The following ASPSCR1 variants were observed in gnomAD, a reference collection of about 807,000 sequenced individuals.
ASPSCR1 encodes the protein ASPSCR1 tether for SLC2A4, UBX domain containing, also known as tether containing UBX domain for GLUT4.
In ASPSCR1, 55 loss-of-function variants were observed where a neutral mutation model predicts 68.9. The observed-to-expected ratio is 0.80, with a 90% CI of 0.64 to 1.00. The LOEUF (loss-of-function observed/expected upper bound fraction) is 1.00, where lower values mean the gene tolerates loss of function less well. ASPSCR1 is among the 50% of genes least tolerant of loss of function. The pLI is 0.00. For missense variants in ASPSCR1, 765 were observed against 762.2 expected, an observed-to-expected ratio of 1.00 and a Z score of -0.04; for synonymous variants, 352 against 332.6, an observed-to-expected ratio of 1.06 and a Z score of -0.63.
At chr17:81,995,918 C>G in intron 5 of ASPSCR1, 74 bp from the exon 6 acceptor site, 1 of 1,464,862 alleles carries the variant, frequency 6.8e-7, no homozygotes, top group African/African-American at 1.4e-5. Flanking sequence ...CTGGTGGTGC[C>G]GGTGCCCGGA....
At chr17:81,978,858 G>T (rs1312462970) in intron 1 of ASPSCR1, 2 of 405,416 alleles carry the variant, frequency 4.9e-6, no homozygotes, top group Non-Finnish European at 9.1e-6. Context: ...CAAGTTTAAG[G>T]CAGGTTGCAG....
chr17:81,982,354 C>T (rs780941381), intron 2 of ASPSCR1, among the ~76,000 whole-genome samples: 7 of 152,256 alleles, frequency 4.6e-5, no homozygotes, highest in Non-Finnish European at 1.0e-4. Context: ...GAGGCAGGTC[C>T]TGCAATACCA....
chr17:81,983,790 C>G lies in ASPSCR1; in HGVS notation c.273+122C>G. 1.3e-6 allele frequency: 1 copy of G among 787,712 alleles called. No homozygotes were observed. The highest frequency in any genetic ancestry group is 2.0e-6 in the Non-Finnish European group (1 of 488,876). 48.8% of individuals were successfully genotyped at this position (787,712 alleles called of 1,614,324 possible). A position where few individuals can be genotyped will look rare whatever the true frequency, so the allele number is the denominator to read the frequency against. ...AGGGACATGAGTCTTAGCACCAGTT[C>G]TGCCTTCCCTGGGTTGGGCCCAAAC... On this transcript the variant is annotated intron_variant, in intron 3 of 15. Coordinates refer to ENST00000306739, the MANE Select transcript of ASPSCR1 (RefSeq NM_024083.4). The surrounding 1 kb of genome is among the most constrained non-coding windows in gnomAD (Gnocchi z 4.4).
intron 4 of ASPSCR1, among the ~76,000 whole-genome samples, chr17:81,993,070 CAAAA>C (rs1368437412): frequency 6.6e-6 from 1 of 152,152 alleles, no homozygotes; most frequent in Non-Finnish European, 1.5e-5. Flanking sequence ...GGCCACGAAA[CAAAA>C]GAAAACACGT....
At chr17:81,978,377 T>G (rs938735671) in intron 1 of ASPSCR1, 3 of 151,764 alleles carry the variant, frequency 2.0e-5, no homozygotes, top group Non-Finnish European at 4.4e-5. Context: ...ACAAAAAAAT[T>G]TAGCCGGGCG....
chr17:81,979,474 C>T (rs754867448), intron 2 of ASPSCR1, among the ~76,000 whole-genome samples: 61 of 152,306 alleles, frequency 4.0e-4, no homozygotes, highest in Middle Eastern at 3.4e-3. Context: ...GGCTTGTGGC[C>T]GCATTGCTCT....
At chr17:81,985,988 C>T (rs545650274) in intron 4 of ASPSCR1, among the ~76,000 whole-genome samples, 9 of 152,154 alleles carry the variant, frequency 5.9e-5, no homozygotes, top group East Asian at 3.9e-4. Context: ...TTTTAAGAGG[C>T]AGGGTCTCAC....
In ASPSCR1 at chr17:81,990,959, G is replaced by A. The variant is rs1403524348; in HGVS notation, c.375-3862G>A. On this transcript the variant is annotated intron_variant, in intron 4 of 15. Coordinates refer to ENST00000306739, the MANE Select transcript of ASPSCR1 (RefSeq NM_024083.4). The surrounding 1 kb of genome is among the most constrained non-coding windows in gnomAD (Gnocchi z 4.1). ...GTAGTTTGAATCCCACGTCCCGTAA[G>A]GACCTAGTTGCCAAGTGGTGAAAGG... 1.3e-5 allele frequency among the ~76,000 whole-genome samples: 2 copies of A among 152,144 alleles called. No homozygotes were observed. The highest frequency in any genetic ancestry group is 3.9e-4 in the East Asian group (2 of 5,188).
In ASPSCR1 at chr17:81,998,145, A is replaced by C. The variant is rs560371296; in HGVS notation, c.933+1299A>C. Among the ~76,000 whole-genome samples, 12 of 151,920 alleles carry C rather than the reference A, an allele frequency of 7.9e-5. No individual in the cohort carries two copies. The South Asian group carries it at 2.1e-3, about 26-fold the overall frequency. On this transcript the variant is annotated intron_variant, in intron 7 of 15. Transcript: ENST00000306739. ...CCCAGCCTAATTTATTTTTATTTTT[A>C]TTTTTCATAAAGACGAGGTCTCTCT...
rs532790060 is a variant in ASPSCR1 at position 81,987,076 on chromosome 17, G to A, written c.374+1469G>A. Among the ~76,000 whole-genome samples the A allele has an allele frequency of 2.3e-4, 34 of 145,988 alleles. No homozygotes were observed. Among genetic ancestry groups the A allele is most frequent in the Admixed American group, 1.2e-3 (17 of 14,780 alleles). On this transcript the variant is annotated intron_variant, in intron 4 of 15. Coordinates refer to ENST00000306739, the MANE Select transcript of ASPSCR1 (RefSeq NM_024083.4). This position sits in a 1 kb window ranked among gnomAD's most constrained non-coding sequence, Gnocchi z 5.6. ...AGCGGGACCCGAGGCAGGAGATGACGGAGCCTAAGAGCAAAGCGAAGCCAC... is the reference window on the plus strand; with the variant it reads ...AGCGGGACCCGAGGCAGGAGATGACAGAGCCTAAGAGCAAAGCGAAGCCAC...
chr17:81,979,633 C>T (rs2041729887), intron 2 of ASPSCR1, among the ~76,000 whole-genome samples: 1 of 152,180 alleles, frequency 6.6e-6, no homozygotes, highest in South Asian at 2.1e-4. Context: ...TTCAGAGGTC[C>T]TGGGGGTGAG....
intron 2 of ASPSCR1, among the ~76,000 whole-genome samples, chr17:81,980,689 CAG>C (rs1164595448): frequency 2.0e-5 from 3 of 152,194 alleles, no homozygotes; most frequent in Admixed American, 6.5e-5. Flanking sequence ...AAGAATAAGA[CAG>C]GGATTTACAC....
At chr17:81,998,249 T>C (rs2042420615) in intron 7 of ASPSCR1, among the ~76,000 whole-genome samples, 1 of 152,228 alleles carries the variant, frequency 6.6e-6, no homozygotes, top group South Asian at 2.1e-4. Context: ...GGGATTACAA[T>C]TGTGAGCCAC....
At chr17:82,015,295 G>T (rs551941100) in intron 12 of ASPSCR1, 2 of 1,598,016 alleles carry the variant, frequency 1.3e-6, no homozygotes, top group East Asian at 2.2e-5. Context: ...CCATCCCCTC[G>T]TCCGAGCAGT....
intron 15 of ASPSCR1, 73 bp downstream of exon 15, chr17:82,017,186 C>T (rs2043168234): frequency 1.3e-6 from 2 of 1,574,536 alleles, no homozygotes; most frequent in South Asian, 2.2e-5. Context: ...GTGGCAGGGT[C>T]AGTGGGCTGG....
intron 11 of ASPSCR1, 172 bp from the exon 12 acceptor site, chr17:82,012,059 G>C: frequency 2.4e-6 from 2 of 836,158 alleles, no homozygotes; most frequent in Non-Finnish European, 2.0e-6. Context: ...CGGCCCTTCC[G>C]AGCCCTCAGC....
chr17:82,009,170 T>A lies in ASPSCR1; in HGVS notation c.1067T>A (p.Leu356Ter), dbSNP rs1468473784. 1 of 1,610,756 alleles carries A rather than the reference T, an allele frequency of 6.2e-7. No homozygotes were observed. The highest frequency in any genetic ancestry group is 8.5e-7 in the Non-Finnish European group (1 of 1,178,874). ...ACGGTGGACGACGTGAGAAGACGCT[T>A]GGCCCAGCTCAAGAGTGAGCGGTGG... ...ELTVDDVRRR[L>*]AQLKSERKRL... Residue 356 changes from leucine to a stop codon, truncating the protein, a stop_gained, in exon 8 of 16, where the codon TTG (leucine) becomes TAG (stop). Coordinates refer to ENST00000306739, the MANE Select transcript of ASPSCR1 (RefSeq NM_024083.4). LOFTEE classifies it high-confidence loss of function.
chr17:81,992,274 G>GCTGGA, intron 4 of ASPSCR1, among the ~76,000 whole-genome samples: 1 of 152,272 alleles, frequency 6.6e-6, no homozygotes, highest in Non-Finnish European at 1.5e-5. Context: ...CTCCTCGGGC[G>GCTGGA]CTGGAATTTC....
At chr17:81,993,508 C>A (rs539434848) in intron 4 of ASPSCR1, among the ~76,000 whole-genome samples, 22 of 152,276 alleles carry the variant, frequency 1.4e-4, no homozygotes, top group African/African-American at 5.3e-4. Context: ...CCACCGCGCC[C>A]GGCTGAGTCC....
Sources: allele counts gnomAD v4.1 joint callset (sites outside exome capture counted in the v4.1 genomes callset), GRCh38; gene constraint gnomAD v4.1.1; non-coding constraint Gnocchi (gnomAD v3.1); transcripts MANE v1.5; gene names NCBI Gene and HGNC (gene_info 2026-07-23, HGNC 2026-07-21).